The following EFCAB6 variants were observed in gnomAD, a reference collection of about 807,000 sequenced individuals.
EFCAB6 encodes EF-hand calcium binding domain 6, also known as EF-hand calcium-binding domain-containing protein 6.
In EFCAB6, 156 loss-of-function variants were observed where a neutral mutation model predicts 169.8. That is an observed-to-expected ratio of 0.92 (90% CI 0.81 to 1.05). The LOEUF is 1.05. EFCAB6 is among the 50% of genes least tolerant of loss of function. The pLI is 0.00. For synonymous variants in EFCAB6, 698 were observed against 676.4 expected (o/e 1.03, Z -0.50); for missense variants, 1,800 against 1,829.1 (o/e 0.98, Z 0.29).
At chr22:43,653,754 A>G (rs1361299402) in intron 17 of EFCAB6, among the ~76,000 whole-genome samples, 2 of 152,008 alleles carry the variant, frequency 1.3e-5, no homozygotes. Flanking sequence ...CTTGAGAGGG[A>G]GCGATTTCTA....
intron 17 of EFCAB6, among the ~76,000 whole-genome samples, chr22:43,653,032 G>A (rs2056553621): frequency 6.6e-6 from 1 of 152,120 alleles, no homozygotes; most frequent in Non-Finnish European, 1.5e-5. Context: ...CAGATCAATA[G>A]GAAATACTGG....
chr22:43,629,512 C>T (rs969972991), intron 19 of EFCAB6, among the ~76,000 whole-genome samples: 7 of 152,198 alleles, frequency 4.6e-5, no homozygotes, highest in African/African-American at 1.7e-4. Context: ...AAATACAAAT[C>T]GGTCATGTGC....
At chr22:43,557,225 G>A (rs1308982461) in intron 26 of EFCAB6, among the ~76,000 whole-genome samples, 1 of 152,170 alleles carries the variant, frequency 6.6e-6, no homozygotes, top group Non-Finnish European at 1.5e-5. Flanking sequence ...ATCTACCCAG[G>A]AGGAATAAGG....
Position 43,576,314 on chromosome 22 carries a change from T to A in EFCAB6, c.3403A>T (p.Ser1135Cys). Residue 1135 changes from serine (S) to cysteine (C), a missense_variant, in exon 26 of 32, where the codon AGC (serine) becomes TGC (cysteine). Transcript: ENST00000262726. ...INWKYFLQNF[S>C]CFLEETADEW... is the part of the protein sequence containing the mutation. ...ATTCTTACCTCCTCAAGGAAACAGC[T>A]AAAGTTCTGGAGAAAATATTTCCAA... The A allele has an allele frequency of 6.3e-7, 1 of 1,587,896 alleles. No homozygotes were observed. The highest frequency in any genetic ancestry group is 8.5e-7 in the Non-Finnish European group (1 of 1,173,360).
rs555964911 is a variant in EFCAB6 at position 43,649,823 on chromosome 22, G to A, written c.1984-14607C>T. ...GAGAAGGGTGAAGCTGGAAGAGAAT[G>A]AGCCATTTGCTAATCTGGGAGCAGG... On this transcript the variant is annotated intron_variant, in intron 17 of 31. Coordinates refer to ENST00000262726, the MANE Select transcript of EFCAB6 (RefSeq NM_022785.4). Among the ~76,000 whole-genome samples the A allele has an allele frequency of 2.0e-5, 3 of 152,358 alleles. No homozygotes were observed. In the South Asian group the frequency reaches 6.2e-4, roughly 32 times the overall value.
At position 43,765,403 on chromosome 22, in the gene EFCAB6, A is replaced by G; in HGVS notation, c.352-10T>C. The G allele has an allele frequency of 6.2e-7, 1 of 1,601,920 alleles. No homozygotes were observed. The highest frequency in any genetic ancestry group is 8.5e-7 in the Non-Finnish European group (1 of 1,170,124). On this transcript the variant is annotated splice_polypyrimidine_tract_variant and intron_variant, in intron 4 of 31. Transcript: ENST00000262726. ...AGGTGCTAAGGGGGATCTACAGTCA[A>G]GGGAGAAGAATGACAACATGTTAGA...
At chr22:43,669,082 A>G (rs1187904423) in intron 15 of EFCAB6, 37 bp from the exon 16 acceptor site, 1 of 1,521,450 alleles carries the variant, frequency 6.6e-7, no homozygotes, top group African/African-American at 1.4e-5. Context: ...CACTCAGTAG[A>G]GTAATTAAAA....
intron 20 of EFCAB6, 141 bp from the exon 21 acceptor site, chr22:43,616,063 T>A: frequency 3.3e-6 from 2 of 607,456 alleles, no homozygotes; most frequent in Non-Finnish European, 5.4e-6. Context: ...ACTTAATTCT[T>A]AAAATACAGT....
chr22:43,754,172 G>A (rs958760438), intron 6 of EFCAB6, among the ~76,000 whole-genome samples: 4 of 152,230 alleles, frequency 2.6e-5, no homozygotes, highest in Non-Finnish European at 5.9e-5. Context: ...GTAGGGATAA[G>A]CATAATAGTA....
At chr22:43,780,368 T>G (rs1281805240) in intron 3 of EFCAB6, among the ~76,000 whole-genome samples, 4 of 151,790 alleles carry the variant, frequency 2.6e-5, no homozygotes, top group Admixed American at 6.6e-5. Context: ...ATGCCTGTGA[T>G]TCCAGCTACT....
intron 5 of EFCAB6, among the ~76,000 whole-genome samples, chr22:43,760,811 C>T (rs751092784): frequency 1.8e-4 from 27 of 152,254 alleles, no homozygotes; most frequent in Non-Finnish European, 3.1e-4. Context: ...CACAGGCACG[C>T]GCCACCACAT....
chr22:43,578,657 A>ACCCTACACGCGGTCATCATT (rs1163382143), intron 25 of EFCAB6, among the ~76,000 whole-genome samples: 1 of 151,574 alleles, frequency 6.6e-6, no homozygotes, highest in African/African-American at 2.4e-5. Flanking sequence ...TAGGCATCAT[A>ACCCTACACGCGGTCATCATT]CCCTACACGC....
chr22:43,735,303 C>T (rs993585836), intron 7 of EFCAB6, among the ~76,000 whole-genome samples: 3 of 37,256 alleles, frequency 8.1e-5, no homozygotes, highest in African/African-American at 4.0e-4. Context: ...GTTCGTCACC[C>T]TCCTGCCGCA....
intron 11 of EFCAB6, among the ~76,000 whole-genome samples, chr22:43,687,107 A>G (rs893948010): frequency 1.3e-5 from 2 of 152,232 alleles, no homozygotes; most frequent in African/African-American, 4.8e-5. Flanking sequence ...GTTTACCTAC[A>G]ATGTTACAAG....
intron 22 of EFCAB6, among the ~76,000 whole-genome samples, chr22:43,606,037 C>T (rs1454807734): frequency 6.6e-6 from 1 of 152,112 alleles, no homozygotes; most frequent in Non-Finnish European, 1.5e-5. Context: ...TGTGTGCCAA[C>T]CCAAAGGCAA....
At chr22:43,530,721 G>T in intron 31 of EFCAB6, 94 bp downstream of exon 31, 1 of 1,568,890 alleles carries the variant, frequency 6.4e-7, no homozygotes, top group South Asian at 1.2e-5. Flanking sequence ...CCGGGCCTTC[G>T]GCAGCAGGTA....
chr22:43,731,070 G>C (rs8136516), intron 8 of EFCAB6, among the ~76,000 whole-genome samples: 1 of 151,880 alleles, frequency 6.6e-6, no homozygotes, highest in Non-Finnish European at 1.5e-5. Flanking sequence ...GCTGGGAAGG[G>C]AGAGGATCCA....
At chr22:43,746,867 C>T (rs894835963) in intron 6 of EFCAB6, among the ~76,000 whole-genome samples, 19 of 152,224 alleles carry the variant, frequency 1.2e-4, no homozygotes, top group Admixed American at 2.6e-4. Flanking sequence ...TCAGCTGCCA[C>T]GGGCCAAGAA....
At chr22:43,530,484 G>A (rs5764159) in intron 31 of EFCAB6, 752,816 of 979,952 alleles carry the variant, frequency 0.77, 290,363 homozygotes, top group African/African-American at 0.92. Flanking sequence ...GAGAGCCCAG[G>A]TGTGGGGAGA....
Sources: allele counts gnomAD v4.1 joint callset (sites outside exome capture counted in the v4.1 genomes callset), GRCh38; gene constraint gnomAD v4.1.1; transcripts MANE v1.5; gene names NCBI Gene and HGNC (gene_info 2026-07-23, HGNC 2026-07-21).